CYB5R4: variants seen among roughly 807,000 people sequenced by gnomAD.
CYB5R4 encodes cytochrome b5 reductase 4.
In CYB5R4, 55 loss-of-function variants were observed where a neutral mutation model predicts 70.2. The ratio of observed to expected loss-of-function variants is 0.78; its 90% CI spans 0.63 to 0.98. The LOEUF is 0.98. Among genes scored for constraint, CYB5R4 ranks in the 50% least tolerant of loss-of-function variants. The pLI, the probability that CYB5R4 is intolerant of heterozygous loss-of-function variation, is 0.00. For missense variants in CYB5R4, 562 were observed against 612.6 expected, an observed-to-expected ratio of 0.92 and a Z score of 0.87; for synonymous variants, 197 against 199.5, an observed-to-expected ratio of 0.99 and a Z score of 0.11.
chr6:83,867,173 T>C (rs2099456859), intron 2 of CYB5R4, among the ~76,000 whole-genome samples: 1 of 152,068 alleles, frequency 6.6e-6, no homozygotes, highest in Non-Finnish European at 1.5e-5. Flanking sequence ...GGGAGACACA[T>C]GAGTTAGGAA....
chr6:83,942,569 T>C (rs902722348), intron 14 of CYB5R4, among the ~76,000 whole-genome samples: 2 of 150,664 alleles, frequency 1.3e-5, no homozygotes, highest in Non-Finnish European at 3.0e-5. Context: ...GCTGCAGGAG[T>C]TTTTTTTTGT....
intron 3 of CYB5R4, among the ~76,000 whole-genome samples, chr6:83,896,362 T>C (rs1409852603): frequency 1.3e-5 from 2 of 152,206 alleles, no homozygotes; most frequent in African/African-American, 4.8e-5. Context: ...TTTACACTCA[T>C]TAGCCTGGCA....
intron 14 of CYB5R4, among the ~76,000 whole-genome samples, chr6:83,949,607 C>G (rs1001702176): frequency 1.3e-5 from 2 of 152,018 alleles, no homozygotes; most frequent in Non-Finnish European, 1.5e-5. Context: ...TAATTAGGTC[C>G]CAGTCTTCTA....
chr6:83,874,530 TTC>T (rs1491349451), intron 2 of CYB5R4, among the ~76,000 whole-genome samples: 2 of 151,652 alleles, frequency 1.3e-5, no homozygotes, highest in Non-Finnish European at 2.9e-5. Flanking sequence ...TTTTTTTTTT[TTC>T]CCCCTAAGGC....
intron 3 of CYB5R4, among the ~76,000 whole-genome samples, chr6:83,908,232 A>T (rs903803741): frequency 3.8e-4 from 58 of 152,254 alleles, no homozygotes; most frequent in Non-Finnish European, 5.0e-4. Context: ...ATGATCGGTA[A>T]TATTGAGCTT....
intron 2 of CYB5R4, among the ~76,000 whole-genome samples, chr6:83,883,982 A>G (rs910123493): frequency 1.3e-5 from 2 of 152,026 alleles, no homozygotes; most frequent in Non-Finnish European, 2.9e-5. Flanking sequence ...AAGCCAATCG[A>G]TTAAATGAAA....
rs933122108 is a variant in CYB5R4, at chr6:83,934,475, C to A, written c.815-120C>A. 4 of 619,896 alleles carry A rather than the reference C, an allele frequency of 6.5e-6. No homozygotes were observed. The African/African-American group carries it at 7.5e-5, about 12-fold the overall frequency. The allele number at this position is 619,896 out of a possible 1,614,324, so 38.4% of individuals were successfully genotyped here. A position where few individuals can be genotyped will look rare whatever the true frequency, so the allele number is the denominator to read the frequency against. ...TTGATTAATTTTTTAAATGTATAGG[C>A]ATTTTAGTGAAATTGAAGCTTTCTA... On this transcript the variant is annotated intron_variant, in intron 10 of 15. Coordinates refer to ENST00000369681, the MANE Select transcript of CYB5R4 (RefSeq NM_016230.4).
chr6:83,931,235 C>T (rs1275665104), intron 10 of CYB5R4, among the ~76,000 whole-genome samples: 1 of 152,208 alleles, frequency 6.6e-6, no homozygotes, highest in African/African-American at 2.4e-5. Context: ...GGACAAGAAA[C>T]GCTAATAGCG....
chr6:83,911,194 C>T (rs1403655637), intron 4 of CYB5R4, among the ~76,000 whole-genome samples: 1 of 151,834 alleles, frequency 6.6e-6, no homozygotes, highest in East Asian at 1.9e-4. Context: ...TGCTTGAGCC[C>T]AGGATTTTGA....
At chr6:83,867,142 A>G (rs1285379896) in intron 2 of CYB5R4, among the ~76,000 whole-genome samples, 3 of 152,196 alleles carry the variant, frequency 2.0e-5, no homozygotes, top group Non-Finnish European at 2.9e-5. Context: ...ACAAAGTGTA[A>G]GTGATATCAG....
rs1461965661 is a variant in CYB5R4 at position 83,864,315 on chromosome 6, G to T, written c.216G>T (p.Trp72Cys). 1.2e-6 allele frequency: 2 copies of T among 1,611,536 alleles called. No individual in the cohort carries two copies. Among genetic ancestry groups the T allele is most frequent in the African/African-American group, 2.7e-5 (2 of 74,780 alleles). ...LKKHNKKDDC[W>C]ICIRGFVYNV... ...AACACAACAAAAAAGATGATTGTTG[G>T]ATATGCATAAGAGGTAGGTGGTATT... Residue 72 changes from tryptophan to cysteine, a missense_variant, in exon 2 of 16, where the codon TGG becomes TGT. By Grantham distance (215) the Trp-to-Cys change is radical. Transcript: ENST00000369681.
At chr6:83,901,930 G>A (rs954144564) in intron 3 of CYB5R4, among the ~76,000 whole-genome samples, 5 of 151,696 alleles carry the variant, frequency 3.3e-5, no homozygotes, top group African/African-American at 4.8e-5. Context: ...ATCAGTCCTT[G>A]TTAGATAAAT....
chr6:83,908,547 AT>A (rs1415240037), intron 3 of CYB5R4, among the ~76,000 whole-genome samples: 1 of 152,204 alleles, frequency 6.6e-6, no homozygotes, highest in Non-Finnish European at 1.5e-5. Context: ...CATGAAGGAT[AT>A]TCTTAAGTAT....
chr6:83,878,400 T>C (rs1588561444), intron 2 of CYB5R4, among the ~76,000 whole-genome samples: 4 of 152,038 alleles, frequency 2.6e-5, no homozygotes, highest in Admixed American at 2.6e-4. Flanking sequence ...CAGGCTGGAG[T>C]GCAGTGGTGC....
At chr6:83,870,787 C>G (rs2099457467) in intron 2 of CYB5R4, among the ~76,000 whole-genome samples, 1 of 152,166 alleles carries the variant, frequency 6.6e-6, no homozygotes, top group Admixed American at 6.5e-5. Flanking sequence ...ACTCAGTACT[C>G]ACAGTGCTTT....
intron 10 of CYB5R4, among the ~76,000 whole-genome samples, chr6:83,932,196 C>T (rs758980277): frequency 6.6e-6 from 1 of 152,076 alleles, no homozygotes; most frequent in Non-Finnish European, 1.5e-5. Flanking sequence ...TCTTAAAATC[C>T]TTGGAACCTA....
At chr6:83,927,545 A>C (rs1189610213) in intron 10 of CYB5R4, among the ~76,000 whole-genome samples, 1 of 152,172 alleles carries the variant, frequency 6.6e-6, no homozygotes, top group African/African-American at 2.4e-5. Flanking sequence ...TCAGGGATAC[A>C]TTTAAGTTTA....
intron 14 of CYB5R4, among the ~76,000 whole-genome samples, chr6:83,941,861 C>T (rs895340370): frequency 1.3e-5 from 2 of 152,148 alleles, no homozygotes; most frequent in Non-Finnish European, 2.9e-5. Context: ...AAATTGGAAG[C>T]GTTTATCAAG....
chr6:83,933,878 A>G (rs1488566429), intron 10 of CYB5R4, among the ~76,000 whole-genome samples: 2 of 152,228 alleles, frequency 1.3e-5, no homozygotes, highest in South Asian at 4.1e-4. Context: ...ATTAATTTTC[A>G]GATACCAAAA....
Sources: allele counts gnomAD v4.1 joint callset (sites outside exome capture counted in the v4.1 genomes callset), GRCh38; gene constraint gnomAD v4.1.1; transcripts MANE v1.5; gene names NCBI Gene and HGNC (gene_info 2026-07-23, HGNC 2026-07-21).